Variants in MYO6 observed in about 807,000 individuals in gnomAD.
MYO6 encodes unconventional myosin-VI.
MYO6 carries 74 observed loss-of-function variants against 178.7 expected under a neutral mutation model. That is an observed-to-expected ratio of 0.41 (90% CI 0.34 to 0.50). MYO6 has a LOEUF of 0.50. Among genes scored for constraint, MYO6 ranks in the 20% least tolerant of loss-of-function variants. MYO6 has a pLI of 0.09. For synonymous variants in MYO6, 477 were observed against 504.6 expected, an observed-to-expected ratio of 0.95 and a Z score of 0.73; for missense variants, 1,330 against 1,547.4, an observed-to-expected ratio of 0.86 and a Z score of 2.36.
At chr6:75,870,732 C>T in intron 19 of MYO6, 47 bp downstream of exon 19, 1 of 1,474,636 alleles carries the variant, frequency 6.8e-7, no homozygotes, top group Non-Finnish European at 9.5e-7. Context: ...TCATCTAAAA[C>T]TATTATTAGT....
intron 11 of MYO6, among the ~76,000 whole-genome samples, chr6:75,849,775 A>T (rs1055532564): frequency 6.6e-6 from 1 of 152,200 alleles, no homozygotes. Context: ...CAAAGGCAGT[A>T]AATTATTTTG....
At chr6:75,750,483 G>A (rs1776781973) in intron 1 of MYO6, among the ~76,000 whole-genome samples, 2 of 151,018 alleles carry the variant, frequency 1.3e-5, no homozygotes, top group South Asian at 2.1e-4. Flanking sequence ...GAAATGAGGA[G>A]CACTGCCCTA....
At chr6:75,899,702 C>T (rs1261645848) in intron 30 of MYO6, among the ~76,000 whole-genome samples, 1 of 141,312 alleles carries the variant, frequency 7.1e-6, no homozygotes, top group East Asian at 2.1e-4. Context: ...ACACATTATT[C>T]TTTTTTTTTT....
At chr6:75,900,677 G>T (rs1779693229) in intron 30 of MYO6, among the ~76,000 whole-genome samples, 1 of 152,160 alleles carries the variant, frequency 6.6e-6, no homozygotes, top group Admixed American at 6.5e-5. Flanking sequence ...CTCCCATTTT[G>T]TGGGTTGCCT....
Position 75,817,598 on chromosome 6 carries a change from G to T in MYO6, c.51G>T (p.Gln17His). ...CGCCACACCCTACAGATGGATTTCAGATGGGCAATATTGTGGATATTGGCC... is the reference window on the plus strand; with the variant it reads ...CGCCACACCCTACAGATGGATTTCATATGGGCAATATTGTGGATATTGGCC... ...VWAPHPTDGF[Q>H]MGNIVDIGPD... Residue 17 changes from glutamine (Q) to histidine (H), a missense_variant, in exon 2 of 35, where the codon CAG (glutamine) becomes CAT (histidine). Transcript: ENST00000369977. 6.2e-7 allele frequency: 1 copy of T among 1,614,210 alleles called. No individual in the cohort carries two copies. Among genetic ancestry groups the T allele is most frequent in the Non-Finnish European group, 8.5e-7 (1 of 1,180,036 alleles).
At chr6:75,808,768 G>A (rs1770368245) in intron 1 of MYO6, among the ~76,000 whole-genome samples, 2 of 152,300 alleles carry the variant, frequency 1.3e-5, no homozygotes, top group South Asian at 4.1e-4. Context: ...AAGGTGGTCA[G>A]GGCACAACTT....
chr6:75,860,977 T>G (rs772007411), intron 14 of MYO6, 46 bp from the exon 15 acceptor site: 1 of 1,317,026 alleles, frequency 7.6e-7, no homozygotes, highest in South Asian at 1.2e-5. Context: ...AAATTCACTA[T>G]TGCTCAGTAT....
chr6:75,863,655 T>C (rs889916815), intron 16 of MYO6, among the ~76,000 whole-genome samples: 2 of 151,916 alleles, frequency 1.3e-5, no homozygotes, highest in African/African-American at 4.8e-5. Context: ...CCGGCTAATT[T>C]TTGTATTTTT....
At chr6:75,895,777 A>T (rs2149382178) in intron 29 of MYO6, among the ~76,000 whole-genome samples, 1 of 152,116 alleles carries the variant, frequency 6.6e-6, no homozygotes, top group South Asian at 2.1e-4. Flanking sequence ...CGGCCTCCCA[A>T]AGTGCTGGGA....
intron 1 of MYO6, among the ~76,000 whole-genome samples, chr6:75,774,779 AATTATT>A (rs906955292): frequency 2.0e-5 from 3 of 151,578 alleles, no homozygotes; most frequent in African/African-American, 4.8e-5. Flanking sequence ...TTTATTGAGA[AATTATT>A]ATTATTATTA....
At chr6:75,861,835 C>T (rs879890835) in intron 15 of MYO6, among the ~76,000 whole-genome samples, 6 of 152,298 alleles carry the variant, frequency 3.9e-5, no homozygotes, top group African/African-American at 1.2e-4. Context: ...CCTTAACACA[C>T]GGACCCTTTC....
chr6:75,871,694 A>G (rs964164070), intron 19 of MYO6, among the ~76,000 whole-genome samples: 1 of 152,176 alleles, frequency 6.6e-6, no homozygotes, highest in Non-Finnish European at 1.5e-5. Flanking sequence ...GCAAATATCT[A>G]TCTCTTAAGG....
intron 16 of MYO6, chr6:75,865,342 T>TGCGCC (rs1776559638): frequency 6.7e-6 from 1 of 148,638 alleles, no homozygotes; most frequent in Non-Finnish European, 1.5e-5. Context: ...AGACTCTCAA[T>TGCGCC]TTTAAATGAT....
intron 25 of MYO6, among the ~76,000 whole-genome samples, chr6:75,889,535 G>A (rs1435911294): frequency 2.6e-5 from 4 of 152,144 alleles, no homozygotes; most frequent in Non-Finnish European, 4.4e-5. Flanking sequence ...AGCCTCCCGA[G>A]TAGCTGGGAC....
chr6:75,853,116 A>G (rs1775425631), intron 11 of MYO6, among the ~76,000 whole-genome samples: 1 of 152,156 alleles, frequency 6.6e-6, no homozygotes, highest in Non-Finnish European at 1.5e-5. Flanking sequence ...CTGTGTGCTT[A>G]CTGACCATTT....
At chr6:75,817,375 T>C in intron 1 of MYO6, 126 bp from the exon 2 acceptor site, 1 of 641,148 alleles carries the variant, frequency 1.6e-6, no homozygotes. Context: ...GTGGGGATTT[T>C]ATGTGGCATG....
chr6:75,821,907 T>G (rs1482519912), intron 2 of MYO6, among the ~76,000 whole-genome samples: 1 of 152,218 alleles, frequency 6.6e-6, no homozygotes, highest in Non-Finnish European at 1.5e-5. Flanking sequence ...ATAAAATAAA[T>G]ATAAGTATTC....
At position 75,919,006 on chromosome 6, in the gene MYO6, C is replaced by T. The variant is rs780834766; in HGVS notation, c.*3994C>T. 1.3e-5 allele frequency: 2 copies of T among 152,212 alleles called. No homozygotes were observed. The highest frequency in any genetic ancestry group is 1.5e-5 in the Non-Finnish European group (1 of 68,150). 9.4% of individuals were successfully genotyped at this position (152,212 alleles called of 1,614,324 possible). A position where few individuals can be genotyped will look rare whatever the true frequency, so the allele number is the denominator to read the frequency against. ...TGGTAGTGGGTGCCTGTAATCCCTG[C>T]TACTTGGGAGGCTGAGGCAGGAGAA... On this transcript the variant is annotated 3_prime_UTR_variant, in exon 35 of 35. Transcript: ENST00000369977.
chr6:75,829,727 A>G (rs1411370230), intron 4 of MYO6, among the ~76,000 whole-genome samples: 2 of 152,192 alleles, frequency 1.3e-5, no homozygotes, highest in South Asian at 2.1e-4. Flanking sequence ...AAATTTACTC[A>G]ATCAGCTGAC....
Sources: gnomAD v4.1 joint callset for allele counts (sites outside exome capture counted in the v4.1 genomes callset) on GRCh38, gnomAD v4.1.1 for gene constraint, MANE v1.5 for transcripts, NCBI Gene and HGNC (gene_info 2026-07-23, HGNC 2026-07-21) for gene names.